RAPGEF4: variants seen among roughly 807,000 people sequenced by gnomAD.
RAPGEF4 encodes the protein Rap guanine nucleotide exchange factor 4, also known as RAP guanine-nucleotide-exchange factor (GEF) 4.
A neutral mutation model predicts 147.9 loss-of-function variants in RAPGEF4; 66 were observed. The ratio of observed to expected loss-of-function variants is 0.45; its 90% CI spans 0.37 to 0.55. The LOEUF (loss-of-function observed/expected upper bound fraction) is 0.55, where lower values mean the gene tolerates loss of function less well. Ranked by LOEUF, RAPGEF4 falls within the 20% of genes least tolerant of loss-of-function variation. The probability of loss-of-function intolerance (pLI) is 0.00; values close to 1 mark genes in which losing one functional copy is unlikely to be tolerated. For missense variants in RAPGEF4, 1,071 were observed against 1,257.3 expected, an observed-to-expected ratio of 0.85 and a Z score of 2.24; for synonymous variants, 419 against 442.7, an observed-to-expected ratio of 0.95 and a Z score of 0.67.
intron 23 of RAPGEF4, among the ~76,000 whole-genome samples, chr2:173,021,907 G>C (rs16861180): frequency 0.039 from 5,934 of 152,200 alleles, 151 homozygotes; most frequent in South Asian, 0.079. Context: ...TCATCCATCA[G>C]AGCCCATAAG....
intron 4 of RAPGEF4, among the ~76,000 whole-genome samples, chr2:172,869,085 C>T (rs1694943038): frequency 6.6e-6 from 1 of 152,156 alleles, no homozygotes; most frequent in African/African-American, 2.4e-5. Context: ...ACAAAGTTTA[C>T]ATTAAATAAC....
At chr2:172,816,381 GT>G (rs1025381999) in intron 4 of RAPGEF4, among the ~76,000 whole-genome samples, 2 of 151,514 alleles carry the variant, frequency 1.3e-5, no homozygotes, top group Admixed American at 6.6e-5. Flanking sequence ...TTGTCTGATT[GT>G]TTTTTTCATG....
chr2:172,818,913 C>T (rs1688778341), intron 4 of RAPGEF4, among the ~76,000 whole-genome samples: 2 of 152,262 alleles, frequency 1.3e-5, no homozygotes, highest in South Asian at 4.2e-4. Context: ...TCCCCAATAC[C>T]TCTTGCTTTA....
At chr2:172,878,734 G>C (rs896541341) in intron 4 of RAPGEF4, among the ~76,000 whole-genome samples, 1 of 152,142 alleles carries the variant, frequency 6.6e-6, no homozygotes, top group African/African-American at 2.4e-5. Context: ...AAGTCCACTA[G>C]CTAGAAAAAA....
At chr2:173,010,042 T>C (rs1694861124) in intron 17 of RAPGEF4, among the ~76,000 whole-genome samples, 1 of 152,234 alleles carries the variant, frequency 6.6e-6, no homozygotes, top group Non-Finnish European at 1.5e-5. Flanking sequence ...AACTGAGTTC[T>C]AGTTCCAAGA....
At chr2:172,738,915 A>G (rs1359089734) in intron 1 of RAPGEF4, among the ~76,000 whole-genome samples, 2 of 152,224 alleles carry the variant, frequency 1.3e-5, no homozygotes, top group African/African-American at 4.8e-5. Context: ...AGTGAAACAA[A>G]ACACAAGGAA....
At chr2:172,793,702 A>G (rs1331960658) in intron 1 of RAPGEF4, among the ~76,000 whole-genome samples, 1 of 152,224 alleles carries the variant, frequency 6.6e-6, no homozygotes, top group South Asian at 2.1e-4. Context: ...AGAAAAAAAT[A>G]GTTTATGTAG....
intron 4 of RAPGEF4, among the ~76,000 whole-genome samples, chr2:172,819,254 G>A (rs1375773509): frequency 1.3e-5 from 2 of 151,958 alleles, no homozygotes; most frequent in Non-Finnish European, 2.9e-5. Flanking sequence ...TTTGTTCAGA[G>A]TTGGTAAATA....
chr2:172,819,458 G>GTTT (rs1553514342), intron 4 of RAPGEF4, among the ~76,000 whole-genome samples: 1 of 79,698 alleles, frequency 1.3e-5, no homozygotes, highest in East Asian at 3.6e-4. Context: ...ACCATTTTTA[G>GTTT]TTCTTTTTTT....
chr2:172,958,721 GA>G (rs1688985675), intron 6 of RAPGEF4, among the ~76,000 whole-genome samples: 1 of 152,162 alleles, frequency 6.6e-6, no homozygotes, highest in Admixed American at 6.5e-5. Context: ...TTCAAGAGGG[GA>G]AAAAAGTCTG....
chr2:172,984,651 TGGGAAGCCC>T (rs1479110133), intron 11 of RAPGEF4, among the ~76,000 whole-genome samples: 2 of 152,182 alleles, frequency 1.3e-5, no homozygotes, highest in African/African-American at 4.8e-5. Context: ...GAGCCTCACC[TGGGAAGCCC>T]TCATATATAC....
intron 6 of RAPGEF4, among the ~76,000 whole-genome samples, chr2:172,948,643 G>A (rs1194377664): frequency 2.0e-5 from 3 of 152,196 alleles, no homozygotes; most frequent in Non-Finnish European, 2.9e-5. Context: ...ATGAGATCCT[G>A]TCTTTTGCAG....
Position 173,015,405 on chromosome 2 carries a change from G to A in RAPGEF4, c.1809+791G>A, listed in dbSNP as rs1339598296. On this transcript the variant is annotated intron_variant, in intron 18 of 30. Transcript: ENST00000397081. ...TCAGGCAAAAGGCAATGTTACTTCC[G>A]TTTCAAACTTTTTCAGTCTGTGTTC... Among the ~76,000 whole-genome samples, 5 of 152,120 alleles carry A rather than the reference G, an allele frequency of 3.3e-5. No individual in the cohort carries two copies. The East Asian group carries it at 5.8e-4, about 18-fold the overall frequency.
rs755095736 is a variant in RAPGEF4 at position 173,048,553 on chromosome 2, T to C, written c.2854-47T>C. The C allele has an allele frequency of 3.1e-6, 5 of 1,613,274 alleles. No individual in the cohort carries two copies. In the East Asian group the frequency reaches 1.1e-4, roughly 36 times the overall value. ...TTGTTTTCCTTTTTGGATTGTACTC[T>C]ACGCTTACTTGAATTTCTATCTTTC... On this transcript the variant is annotated intron_variant, in intron 29 of 30. Coordinates refer to ENST00000397081, the MANE Select transcript of RAPGEF4 (RefSeq NM_007023.4).
chr2:172,932,671 G>A (rs1488509468), intron 6 of RAPGEF4, among the ~76,000 whole-genome samples: 1 of 152,114 alleles, frequency 6.6e-6, no homozygotes, highest in Non-Finnish European at 1.5e-5. Context: ...AAACACAACA[G>A]CATCTTAAAT....
intron 6 of RAPGEF4, among the ~76,000 whole-genome samples, chr2:172,950,087 A>T (rs2676506): frequency 1.3e-5 from 2 of 152,034 alleles, no homozygotes; most frequent in African/African-American, 4.8e-5. Context: ...AGGTTAGTAG[A>T]CATTTCTTCT....
intron 4 of RAPGEF4, among the ~76,000 whole-genome samples, chr2:172,897,851 A>G (rs1306552057): frequency 7.4e-6 from 1 of 135,748 alleles, no homozygotes; most frequent in Non-Finnish European, 1.5e-5. Flanking sequence ...ACGGCACAGC[A>G]ACTACATTTA....
At chr2:172,915,809 A>G (rs986889034) in intron 4 of RAPGEF4, among the ~76,000 whole-genome samples, 3 of 152,076 alleles carry the variant, frequency 2.0e-5, no homozygotes, top group Admixed American at 2.0e-4. Flanking sequence ...GTTAATAATT[A>G]TTGAAGTTGA....
At chr2:172,912,568 A>G (rs1202139638) in intron 4 of RAPGEF4, among the ~76,000 whole-genome samples, 1 of 152,124 alleles carries the variant, frequency 6.6e-6, no homozygotes, top group African/African-American at 2.4e-5. Flanking sequence ...CTTTGAAAAT[A>G]TTTTATTGAG....
Sources: gnomAD v4.1 joint callset for allele counts (sites outside exome capture counted in the v4.1 genomes callset) on GRCh38, gnomAD v4.1.1 for gene constraint, MANE v1.5 for transcripts, NCBI Gene and HGNC (gene_info 2026-07-23, HGNC 2026-07-21) for gene names.